The following BRCA2 variants were observed in gnomAD, a reference collection of about 807,000 sequenced individuals.
BRCA2 encodes the protein BRCA2 DNA repair associated.
A neutral mutation model predicts 276.7 loss-of-function variants in BRCA2; 203 were observed. The observed-to-expected ratio is 0.73, with a 90% CI of 0.65 to 0.82. The LOEUF (loss-of-function observed/expected upper bound fraction) is 0.82. Among genes scored for constraint, BRCA2 ranks in the 40% least tolerant of loss-of-function variants. The pLI is 0.00. For missense variants in BRCA2, 3,920 were observed against 3,915.0 expected, an observed-to-expected ratio of 1.00 and a Z score of -0.03; for synonymous variants, 1,289 against 1,338.4, an observed-to-expected ratio of 0.96 and a Z score of 0.81.
Position 32,380,136 on chromosome 13 carries a change from A to G in BRCA2, c.9247A>G (p.Lys3083Glu), listed in dbSNP as rs80359190. 18 of 1,612,756 alleles carry G rather than the reference A, an allele frequency of 1.1e-5. No homozygotes were observed. Among genetic ancestry groups the G allele is most frequent in the Admixed American group, 6.7e-5 (4 of 59,796 alleles). Residue 3083 changes from lysine (K) to glutamate (E), a missense_variant, in exon 24 of 27, where the codon AAA (lysine) becomes GAA (glutamate). By Grantham distance (56) the Lys-to-Glu change is moderately conservative (BLOSUM62 1). This residue lies in a region of BRCA2 where 657 missense variants were observed against 758.2 expected (regional missense o/e 0.87). Transcript: ENST00000380152. Reference sequence around the variant, plus strand: ...AATAGGATTTGTCGTTTCTGTTGTGAAAAAAACAGGTAATGCACAATATAG... The same window carrying G: ...AATAGGATTTGTCGTTTCTGTTGTGGAAAAAACAGGTAATGCACAATATAG... ...DLIGFVVSVV[K>E]KTGLAPFVYL...
At chr13:32,375,447 A>C in intron 20 of BRCA2, 1 of 426,722 alleles carries the variant, frequency 2.3e-6, no homozygotes, top group South Asian at 1.8e-5. Flanking sequence ...CCCATGAAAC[A>C]CTAGTGTTCT....
At chr13:32,333,516 G>C in intron 10 of BRCA2, 129 bp downstream of exon 10, 1 of 1,025,114 alleles carries the variant, frequency 9.8e-7, no homozygotes, top group South Asian at 1.6e-5. Context: ...CTGTATACAT[G>C]ATTGTTTAGG....
chr13:32,380,507 A>G (rs889032516), intron 24 of BRCA2, among the ~76,000 whole-genome samples: 28 of 145,952 alleles, frequency 1.9e-4, no homozygotes, highest in African/African-American at 6.0e-4. Context: ...TTCATTGTAC[A>G]GGGCTATTTA....
At chr13:32,376,418 G>C (rs144758078) in intron 20 of BRCA2, among the ~76,000 whole-genome samples, 183 of 151,852 alleles carry the variant, frequency 1.2e-3, no homozygotes, top group African/African-American at 4.3e-3. Flanking sequence ...CTACTCGGGA[G>C]GCTGAGGCAG....
rs81002812 is a variant in BRCA2, at chr13:32,379,316, G to T, written c.8755-1G>T. On this transcript the variant is annotated splice_acceptor_variant, in intron 21 of 26. Coordinates refer to ENST00000380152, the MANE Select transcript of BRCA2 (RefSeq NM_000059.4). LOFTEE classifies it high-confidence loss of function. Reference sequence around the variant, plus strand: ...TATTCCAATATCTTAAATGGTCACAGGGTTATTTCAGTGAAGAGCAGTTAA... The same window carrying T: ...TATTCCAATATCTTAAATGGTCACATGGTTATTTCAGTGAAGAGCAGTTAA... 6.2e-7 allele frequency: 1 copy of T among 1,613,474 alleles called. No individual in the cohort carries two copies. Among genetic ancestry groups the T allele is most frequent in the Non-Finnish European group, 8.5e-7 (1 of 1,179,708 alleles).
intron 24 of BRCA2, among the ~76,000 whole-genome samples, chr13:32,381,638 G>A (rs551470926): frequency 1.8e-4 from 28 of 152,324 alleles, no homozygotes; most frequent in Middle Eastern, 3.4e-3. Context: ...GAGCCAGGTC[G>A]TGTGGGGGTC....
At chr13:32,388,265 C>T (rs1182568607) in intron 24 of BRCA2, among the ~76,000 whole-genome samples, 17 of 151,962 alleles carry the variant, frequency 1.1e-4, no homozygotes, top group Non-Finnish European at 2.1e-4. Context: ...ACGACAGGCA[C>T]GTGCCACCAC....
chr13:32,342,607 A>G (rs2072580263), intron 11 of BRCA2, among the ~76,000 whole-genome samples: 1 of 152,204 alleles, frequency 6.6e-6, no homozygotes, highest in Non-Finnish European at 1.5e-5. Context: ...CCTACTATAT[A>G]CCTAGGCTGT....
At position 32,324,924 on chromosome 13, in the gene BRCA2, G is replaced by A. The variant is rs2137445309; in HGVS notation, c.317-152G>A. The A allele has an allele frequency of 2.9e-5, 18 of 612,712 alleles. 1 individual carries two copies. The South Asian group carries it at 3.3e-4, about 11-fold the overall frequency. 38.0% of individuals were successfully genotyped at this position (612,712 alleles called of 1,614,324 possible). A position where few individuals can be genotyped will look rare whatever the true frequency, so the allele number is the denominator to read the frequency against. On this transcript the variant is annotated intron_variant, in intron 3 of 26. Transcript: ENST00000380152. ...GTGCTCGGGGCATCCTTTTTGGGGGGTAATCAGCAAACTGAAAAACCTCTT... is the reference window on the plus strand; with the variant it reads ...GTGCTCGGGGCATCCTTTTTGGGGGATAATCAGCAAACTGAAAAACCTCTT...
At chr13:32,324,956 A>C in intron 3 of BRCA2, 120 bp from the exon 4 acceptor site, 2 of 713,976 alleles carry the variant, frequency 2.8e-6, no homozygotes, top group South Asian at 3.2e-5. Context: ...TCTTCTTACA[A>C]CTCCCTATAC....
rs142885247 is a variant in BRCA2 at position 32,382,030 on chromosome 13, G to A, written c.9256+1885G>A. On this transcript the variant is annotated intron_variant, in intron 24 of 26. Transcript: ENST00000380152. The stretch of plus-strand genomic sequence containing the variant: ...CAGTTAAGTTTTAGATGCTTATTAG[G>A]CATCTAAGTAGAAATGTCTACTTGA... Among the ~76,000 whole-genome samples the A allele has an allele frequency of 3.3e-5, 5 of 152,304 alleles. No individual in the cohort carries two copies. In the East Asian group the frequency reaches 9.6e-4, roughly 29 times the overall value.
chr13:32,327,065 T>G (rs1210516443), intron 7 of BRCA2, among the ~76,000 whole-genome samples: 7 of 152,254 alleles, frequency 4.6e-5, no homozygotes, highest in Admixed American at 4.6e-4. Flanking sequence ...ATTACACAAC[T>G]ATGTGATAAA....
In BRCA2 at chr13:32,394,939, G is replaced by A. The variant is rs863224600; in HGVS notation, c.9501+6G>A. 1.9e-6 allele frequency: 3 copies of A among 1,613,860 alleles called. No individual in the cohort carries two copies. The highest frequency in any genetic ancestry group is 2.2e-5 in the East Asian group (1 of 44,868). ...AAATGAAAAATACTGTTGAGGTAAG[G>A]TTACTTTTCAGCATCACCACACATT... On this transcript the variant is annotated splice_donor_region_variant and intron_variant, in intron 25 of 26. Transcript: ENST00000380152.
At chr13:32,364,101 G>T (rs900116743) in intron 18 of BRCA2, among the ~76,000 whole-genome samples, 2 of 152,146 alleles carry the variant, frequency 1.3e-5, no homozygotes, top group African/African-American at 2.4e-5. Flanking sequence ...TTAAGGTAAA[G>T]ATATATTTTG....
intron 24 of BRCA2, among the ~76,000 whole-genome samples, chr13:32,394,124 C>T (rs1863273658): frequency 1.3e-5 from 2 of 152,150 alleles, no homozygotes; most frequent in African/African-American, 4.8e-5. Flanking sequence ...AAATCGTCCT[C>T]ACTCTTTTTT....
At chr13:32,378,870 G>T (rs1395436309) in intron 21 of BRCA2, among the ~76,000 whole-genome samples, 1 of 152,128 alleles carries the variant, frequency 6.6e-6, no homozygotes, top group East Asian at 1.9e-4. Context: ...AAGAATGAGG[G>T]TTCTAGGGCC....
chr13:32,374,049 C>T (rs950780774), intron 20 of BRCA2, among the ~76,000 whole-genome samples: 1 of 152,260 alleles, frequency 6.6e-6, no homozygotes, highest in African/African-American at 2.4e-5. Flanking sequence ...GGCTTGCACC[C>T]TCTCAAGCAA....
intron 20 of BRCA2, among the ~76,000 whole-genome samples, chr13:32,374,279 C>T (rs2072856642): frequency 6.6e-6 from 1 of 152,250 alleles, no homozygotes; most frequent in Non-Finnish European, 1.5e-5. Context: ...TGGCTATTAA[C>T]GTTTGTTTCC....
rs1464944587 is a variant in BRCA2, at chr13:32,398,965, T to C, written c.*195T>C. ...CCGTATTGGTATACTTTTGCTTCAG[T>C]TGCATATCTTAAAACTAAATGTAAT... On this transcript the variant is annotated 3_prime_UTR_variant, in exon 27 of 27. Coordinates refer to ENST00000380152, the MANE Select transcript of BRCA2 (RefSeq NM_000059.4). 3 of 618,380 alleles carry C rather than the reference T, an allele frequency of 4.9e-6. No individual in the cohort carries two copies. Among genetic ancestry groups the C allele is most frequent in the South Asian group, 4.5e-5 (2 of 44,790 alleles). 38.3% of individuals were successfully genotyped at this position (618,380 alleles called of 1,614,324 possible).
Sources: allele counts gnomAD v4.1 joint callset (sites outside exome capture counted in the v4.1 genomes callset), GRCh38; gene constraint gnomAD v4.1.1; regional missense constraint gnomAD v4.1.1; transcripts MANE v1.5; gene names NCBI Gene and HGNC (gene_info 2026-07-23, HGNC 2026-07-21).